The following FERMT2 variants were observed in gnomAD, a reference collection of about 807,000 sequenced individuals.
The protein encoded by FERMT2 is fermitin family homolog 2.
Under a neutral mutation model 82.7 loss-of-function variants are expected in FERMT2, and 15 were observed. The observed-to-expected ratio is 0.18, with a 90% CI of 0.12 to 0.28. The LOEUF is 0.28. Ranked by LOEUF, FERMT2 falls within the 10% of genes least tolerant of loss-of-function variation. The pLI, the probability that FERMT2 is intolerant of heterozygous loss-of-function variation, is 1.00. For missense variants in FERMT2, 645 were observed against 809.4 expected (o/e 0.80, Z 2.46); for synonymous variants, 274 against 271.5 (o/e 1.01, Z -0.09).
At chr14:52,932,983 G>T (rs547693346) in intron 2 of FERMT2, among the ~76,000 whole-genome samples, 1 of 151,696 alleles carries the variant, frequency 6.6e-6, no homozygotes, top group Non-Finnish European at 1.5e-5. Flanking sequence ...CTCATATAGC[G>T]TTATTATTAA....
chr14:52,944,649 T>C (rs1034563807), intron 2 of FERMT2, among the ~76,000 whole-genome samples: 8 of 152,244 alleles, frequency 5.3e-5, no homozygotes, highest in Admixed American at 4.6e-4. Flanking sequence ...CTAGCTATTT[T>C]CCACTTCTGT....
intron 10 of FERMT2, among the ~76,000 whole-genome samples, chr14:52,870,469 C>T (rs180764855): frequency 6.6e-6 from 1 of 152,180 alleles, no homozygotes; most frequent in East Asian, 1.9e-4. Context: ...GGCTGGTCTC[C>T]AACTTCCGAC....
chr14:52,950,627 A>T (rs1890587531), intron 1 of FERMT2, 50 bp from the exon 2 acceptor site: 1 of 1,572,148 alleles, frequency 6.4e-7, no homozygotes, highest in Middle Eastern at 1.7e-4. Context: ...CCCCAAAGAA[A>T]GGCGAATCCC....
At chr14:52,874,531 A>G (rs894683933) in intron 8 of FERMT2, among the ~76,000 whole-genome samples, 1 of 152,206 alleles carries the variant, frequency 6.6e-6, no homozygotes, top group East Asian at 1.9e-4. Context: ...AAATCTGTAC[A>G]TTGTAAAAGG....
At chr14:52,861,782 A>T (rs1400881715) in intron 12 of FERMT2, 5 of 152,198 alleles carry the variant, frequency 3.3e-5, no homozygotes, top group Admixed American at 3.3e-4. Flanking sequence ...ATGTTTAGTT[A>T]ATATATATAT....
intron 4 of FERMT2, among the ~76,000 whole-genome samples, chr14:52,889,621 G>T (rs545942555): frequency 1.2e-4 from 19 of 152,266 alleles, no homozygotes; most frequent in African/African-American, 4.6e-4. Context: ...GTCGTTAAGG[G>T]ATTTCACTGT....
chr14:52,922,325 C>T lies in FERMT2; in HGVS notation c.158-2969G>A, dbSNP rs1481906768. Among the ~76,000 whole-genome samples, 7 of 152,280 alleles carry T rather than the reference C, an allele frequency of 4.6e-5. No homozygotes were observed. The East Asian group carries it at 1.4e-3, about 29-fold the overall frequency. On this transcript the variant is annotated intron_variant, in intron 2 of 14. Coordinates refer to ENST00000341590, the MANE Select transcript of FERMT2 (RefSeq NM_006832.3). Reference sequence around the variant, plus strand: ...GGCTGCCAGCATGGGGCTGGCTGCCCTGCACTCAGGCAGAGCAAGCTCAGA... The same window carrying T: ...GGCTGCCAGCATGGGGCTGGCTGCCTTGCACTCAGGCAGAGCAAGCTCAGA...
intron 2 of FERMT2, among the ~76,000 whole-genome samples, chr14:52,931,456 G>C (rs1469706051): frequency 1.3e-5 from 2 of 152,144 alleles, no homozygotes; most frequent in East Asian, 3.8e-4. Flanking sequence ...GCACAAATTA[G>C]AGTCTGGCAG....
intron 2 of FERMT2, among the ~76,000 whole-genome samples, chr14:52,919,781 A>G (rs1056651471): frequency 6.6e-6 from 1 of 152,226 alleles, no homozygotes; most frequent in African/African-American, 2.4e-5. Context: ...AGTTGCAGAA[A>G]TGTGTGAAGG....
chr14:52,877,684 T>C (rs1198364413), intron 7 of FERMT2, among the ~76,000 whole-genome samples: 1 of 142,824 alleles, frequency 7.0e-6, no homozygotes, highest in Non-Finnish European at 1.5e-5. Flanking sequence ...AAGGAGGCAT[T>C]TGGAAGACTG....
At chr14:52,883,026 T>C (rs1483843578) in intron 4 of FERMT2, among the ~76,000 whole-genome samples, 1 of 152,050 alleles carries the variant, frequency 6.6e-6, no homozygotes, top group Non-Finnish European at 1.5e-5. Context: ...GGAGAAACCC[T>C]GTCTCTACTA....
chr14:52,876,262 C>CT (rs1276729798), intron 7 of FERMT2, among the ~76,000 whole-genome samples: 1 of 152,186 alleles, frequency 6.6e-6, no homozygotes, highest in East Asian at 1.9e-4. Context: ...TGAATAGTCT[C>CT]TGACTACTTC....
chr14:52,909,228 A>G (rs1285702465), intron 3 of FERMT2, among the ~76,000 whole-genome samples: 1 of 152,138 alleles, frequency 6.6e-6, no homozygotes, highest in Non-Finnish European at 1.5e-5. Flanking sequence ...TTTGAATGTC[A>G]CATTGGCAGT....
chr14:52,904,684 C>A (rs934465951), intron 3 of FERMT2, among the ~76,000 whole-genome samples: 1 of 149,536 alleles, frequency 6.7e-6, no homozygotes, highest in South Asian at 2.1e-4. Flanking sequence ...AAGAGCAAGA[C>A]CCTTTCAAAA....
chr14:52,913,322 T>C (rs8015250), intron 3 of FERMT2, among the ~76,000 whole-genome samples: 22,110 of 152,168 alleles, frequency 0.15, 1,781 homozygotes, highest in African/African-American at 0.22. Context: ...ATGAGATCCC[T>C]CGGGAGTAAA....
At chr14:52,870,033 G>GTACAGACACA (rs1566720112) in intron 10 of FERMT2, among the ~76,000 whole-genome samples, 5 of 152,138 alleles carry the variant, frequency 3.3e-5, no homozygotes, top group African/African-American at 1.2e-4. Flanking sequence ...GCTGTACAAT[G>GTACAGACACA]TTTAAGCTAC....
intron 2 of FERMT2, among the ~76,000 whole-genome samples, chr14:52,939,618 G>A (rs1461742141): frequency 1.3e-5 from 2 of 152,068 alleles, no homozygotes; most frequent in African/African-American, 4.8e-5. Context: ...TTTTCCAGAT[G>A]AGGAACCAGA....
intron 3 of FERMT2, among the ~76,000 whole-genome samples, chr14:52,905,888 T>C (rs779683034): frequency 2.0e-5 from 3 of 152,204 alleles, no homozygotes; most frequent in Non-Finnish European, 4.4e-5. Context: ...CTTTCTAAGA[T>C]GCACGGCTAG....
Position 52,857,580 on chromosome 14 carries a change from G to A in FERMT2, c.*797C>T, listed in dbSNP as rs568279194. The A allele has an allele frequency of 9.8e-5, 15 of 152,592 alleles. No individual in the cohort carries two copies. Among genetic ancestry groups the A allele is most frequent in the Admixed American group, 2.6e-4 (4 of 15,270 alleles). 9.5% of individuals were successfully genotyped at this position (152,592 alleles called of 1,614,324 possible). On this transcript the variant is annotated 3_prime_UTR_variant, in exon 15 of 15. Transcript: ENST00000341590. ...AAGGCATTTAATTAACGCAGAGATTGCTACATTTAAGCCATCTGCTAGTTG... is the reference window on the plus strand; with the variant it reads ...AAGGCATTTAATTAACGCAGAGATTACTACATTTAAGCCATCTGCTAGTTG...
Sources: allele counts gnomAD v4.1 joint callset (sites outside exome capture counted in the v4.1 genomes callset), GRCh38; gene constraint gnomAD v4.1.1; transcripts MANE v1.5; gene names NCBI Gene and HGNC (gene_info 2026-07-23, HGNC 2026-07-21).